Variants in UGT1A10 observed in about 807,000 individuals in gnomAD.
UGT1A10 encodes UDP glucuronosyltransferase family 1 member A10.
Under a neutral mutation model 45.8 loss-of-function variants are expected in UGT1A10, and 49 were observed. The observed-to-expected ratio is 1.07, with a 90% CI of 0.85 to 1.36. The LOEUF (loss-of-function observed/expected upper bound fraction) is 1.36. Among genes scored for constraint, UGT1A10 ranks in the 40% most tolerant of loss-of-function variants. The pLI is 0.00. For synonymous variants in UGT1A10, 284 were observed against 249.7 expected, an observed-to-expected ratio of 1.14 and a Z score of -1.29; for missense variants, 745 against 668.6, an observed-to-expected ratio of 1.11 and a Z score of -1.26.
chr2:233,767,701 T>A, intron 2 of UGT1A10, 148 bp from the exon 3 acceptor site: 2 of 1,506,270 alleles, frequency 1.3e-6, no homozygotes, highest in Admixed American at 2.1e-5. Flanking sequence ...AAGTTGCCAG[T>A]CCTCAGAAGC....
chr2:233,731,569 A>G (rs1225013175), intron 1 of UGT1A10, among the ~76,000 whole-genome samples: 1 of 152,190 alleles, frequency 6.6e-6, no homozygotes, highest in African/African-American at 2.4e-5. Context: ...TTTGCTGAGA[A>G]TGATGGTTTA....
chr2:233,702,819 G>A (rs1051674294), intron 1 of UGT1A10, among the ~76,000 whole-genome samples: 1 of 152,164 alleles, frequency 6.6e-6, no homozygotes, highest in Non-Finnish European at 1.5e-5. Flanking sequence ...CCACTTGATT[G>A]TGTTGTATAA....
chr2:233,686,052 G>A (rs1358564597), intron 1 of UGT1A10, among the ~76,000 whole-genome samples: 1 of 152,154 alleles, frequency 6.6e-6, no homozygotes, highest in Non-Finnish European at 1.5e-5. Flanking sequence ...GCAAAGAATA[G>A]TGTCTTCAGC....
chr2:233,692,633 C>T (rs969401857), intron 1 of UGT1A10, among the ~76,000 whole-genome samples: 2 of 152,124 alleles, frequency 1.3e-5, no homozygotes, highest in Non-Finnish European at 2.9e-5. Context: ...TAACAGACAA[C>T]GTCAATGATG....
intron 1 of UGT1A10, chr2:233,693,464 C>T: frequency 6.2e-7 from 1 of 1,614,126 alleles, no homozygotes; most frequent in Non-Finnish European, 8.5e-7. Flanking sequence ...CCCAGCCTTA[C>T]CCTGTGGGGT....
At chr2:233,740,302 A>C (rs564436017) in intron 1 of UGT1A10, among the ~76,000 whole-genome samples, 20 of 152,050 alleles carry the variant, frequency 1.3e-4, no homozygotes, top group Non-Finnish European at 2.5e-4. Flanking sequence ...GGAGAGTCTG[A>C]GAAAAGGAAA....
At chr2:233,699,814 A>G (rs2075525591) in intron 1 of UGT1A10, among the ~76,000 whole-genome samples, 1 of 152,256 alleles carries the variant, frequency 6.6e-6, no homozygotes, top group Non-Finnish European at 1.5e-5. Flanking sequence ...TCATCTAAAT[A>G]GTAGTTCTCA....
At chr2:233,732,425 G>T (rs1329507271) in intron 1 of UGT1A10, among the ~76,000 whole-genome samples, 1 of 152,186 alleles carries the variant, frequency 6.6e-6, no homozygotes, top group African/African-American at 2.4e-5. Context: ...TTTTCTTCTA[G>T]GATTTTTATG....
intron 1 of UGT1A10, chr2:233,730,057 T>C: frequency 1.9e-6 from 3 of 1,611,758 alleles, no homozygotes; most frequent in South Asian, 1.1e-5. Context: ...AAAATGTATT[T>C]ATTTAAAATT....
intron 1 of UGT1A10, among the ~76,000 whole-genome samples, chr2:233,716,137 G>A (rs931964011): frequency 4.6e-5 from 7 of 152,042 alleles, no homozygotes; most frequent in African/African-American, 1.2e-4. Flanking sequence ...GAATTCCATG[G>A]CCCTTTTCCA....
intron 1 of UGT1A10, chr2:233,754,873 T>C (rs763585549): frequency 7.4e-7 from 1 of 1,352,606 alleles, no homozygotes; most frequent in Non-Finnish European, 9.9e-7. Flanking sequence ...CCTCTGCTTC[T>C]GCTTCCCAGG....
At position 233,743,563 on chromosome 2, in the gene UGT1A10, C is replaced by T. The variant is rs546286371; in HGVS notation, c.856-23471C>T. 46 of 1,367,298 alleles carry T rather than the reference C, an allele frequency of 3.4e-5. 1 individual carries two copies. Among genetic ancestry groups the T allele is most frequent in the Admixed American group, 5.7e-5 (3 of 52,582 alleles). 84.7% of individuals were successfully genotyped at this position (1,367,298 alleles called of 1,614,324 possible). A position where few individuals can be genotyped will look rare whatever the true frequency, so the allele number is the denominator to read the frequency against. On this transcript the variant is annotated intron_variant, in intron 1 of 4. Transcript: ENST00000344644. The stretch of plus-strand genomic sequence containing the variant: ...CTGACCCCCCCAAAATATTCTCCAG[C>T]GGGTTTCCCAAGAGGTCAAAGGAGA...
chr2:233,682,830 G>T, intron 1 of UGT1A10: 5 of 1,547,694 alleles, frequency 3.2e-6, no homozygotes, highest in South Asian at 1.3e-5. Context: ...AGAATAATCT[G>T]GCTTTGGAAA....
chr2:233,693,159 G>A (rs771283740), intron 1 of UGT1A10: 12 of 1,614,064 alleles, frequency 7.4e-6, no homozygotes, highest in South Asian at 4.4e-5. Flanking sequence ...CTCAGTGACC[G>A]GGGTCATGAG....
intron 1 of UGT1A10, among the ~76,000 whole-genome samples, chr2:233,732,442 G>A (rs1257874591): frequency 6.6e-6 from 1 of 152,146 alleles, no homozygotes; most frequent in Non-Finnish European, 1.5e-5. Flanking sequence ...TATGGTTTTA[G>A]GTCTAACATT....
At chr2:233,699,830 A>G (rs549503068) in intron 1 of UGT1A10, among the ~76,000 whole-genome samples, 1 of 152,280 alleles carries the variant, frequency 6.6e-6, no homozygotes, top group Non-Finnish European at 1.5e-5. Context: ...TCTCAAATAG[A>G]ACTAATTTTT....
chr2:233,680,563 T>C (rs1328827693), intron 1 of UGT1A10, among the ~76,000 whole-genome samples: 1 of 152,176 alleles, frequency 6.6e-6, no homozygotes, highest in Non-Finnish European at 1.5e-5. Context: ...CTCAGTGTGT[T>C]GCCTAACACA....
intron 1 of UGT1A10, among the ~76,000 whole-genome samples, chr2:233,720,004 A>G (rs1304715933): frequency 2.6e-5 from 4 of 152,144 alleles, no homozygotes; most frequent in African/African-American, 9.7e-5. Flanking sequence ...TACATTCAGA[A>G]CTGATCCATC....
At chr2:233,760,225 G>A (rs1047777533) in intron 1 of UGT1A10, 1 of 1,585,000 alleles carries the variant, frequency 6.3e-7, no homozygotes. Flanking sequence ...GTATCGATTG[G>A]TTTTTGCCAT....
Sources: allele counts gnomAD v4.1 joint callset (sites outside exome capture counted in the v4.1 genomes callset), GRCh38; gene constraint gnomAD v4.1.1; transcripts MANE v1.5; gene names NCBI Gene and HGNC (gene_info 2026-07-23, HGNC 2026-07-21).